TAF5L: variants seen among roughly 807,000 people sequenced by gnomAD.
TAF5L encodes the protein TAF5-like RNA polymerase II p300/CBP-associated factor-associated factor 65 kDa subunit 5L.
In TAF5L, 7 loss-of-function variants were observed where a neutral mutation model predicts 51.3. The observed-to-expected ratio is 0.14, with a 90% CI of 0.08 to 0.26. The LOEUF (loss-of-function observed/expected upper bound fraction) is 0.26. Among genes scored for constraint, TAF5L ranks in the 10% least tolerant of loss-of-function variants. TAF5L has a pLI of 1.00. For missense variants in TAF5L, 575 were observed against 758.9 expected (o/e 0.76, Z 2.85); for synonymous variants, 291 against 308.1 (o/e 0.94, Z 0.58).
Position 229,594,021 on chromosome 1 carries a change from G to A in TAF5L, c.*276C>T, listed in dbSNP as rs746350866. 1.7e-5 allele frequency: 6 copies of A among 355,200 alleles called. No homozygotes were observed. The highest frequency in any genetic ancestry group is 2.1e-5 in the Non-Finnish European group (4 of 190,246). 22.0% of individuals were successfully genotyped at this position (355,200 alleles called of 1,614,324 possible). On this transcript the variant is annotated 3_prime_UTR_variant, in exon 5 of 5. Transcript: ENST00000258281. This position sits in a 1 kb window ranked among gnomAD's most constrained non-coding sequence, Gnocchi z 7.9. ...GAGAGACAGGAAGGTGCTCGCATGC[G>A]CGAGGTCACGGCAGAGTCTCCATGA...
At chr1:229,617,749 G>A (rs1274113722) in intron 1 of TAF5L, among the ~76,000 whole-genome samples, 1 of 152,202 alleles carries the variant, frequency 6.6e-6, no homozygotes. Context: ...GAGTAAGAAT[G>A]AATGATAGTC....
chr1:229,602,992 A>C lies in TAF5L; in HGVS notation c.248-73T>G, dbSNP rs565980736. On this transcript the variant is annotated intron_variant, in intron 3 of 4. Coordinates refer to ENST00000258281, the Ensembl canonical transcript of TAF5L. The surrounding 1 kb of genome is among the most constrained non-coding windows in gnomAD (Gnocchi z 4.6). ...AATAACGTGATCCCTCCTGGGGATC[A>C]CCACCATCATATAATGCTTTCTTGC... 6 of 1,484,236 alleles carry C rather than the reference A, an allele frequency of 4.0e-6. No homozygotes were observed. The highest frequency in any genetic ancestry group is 4.6e-5 in the East Asian group (2 of 43,046). The allele number at this position is 1,484,236 out of a possible 1,614,324, so 91.9% of individuals were successfully genotyped here.
intron 4 of TAF5L, among the ~76,000 whole-genome samples, chr1:229,597,277 T>C (rs1206475592): frequency 1.3e-5 from 2 of 152,190 alleles, no homozygotes; most frequent in East Asian, 3.9e-4. Flanking sequence ...CAAGAAGCTA[T>C]GGAAGTGGCC....
In TAF5L at chr1:229,625,733, C is replaced by G. The variant is rs1665430860; in HGVS notation, c.-4+152G>C. 1.4e-5 allele frequency among the ~76,000 whole-genome samples: 2 copies of G among 142,828 alleles called. No homozygotes were observed. Among genetic ancestry groups the G allele is most frequent in the South Asian group, 4.3e-4 (2 of 4,652 alleles). 93.7% of individuals were successfully genotyped at this position (142,828 alleles called of 152,430 possible). On this transcript the variant is annotated intron_variant, in intron 1 of 4. Transcript: ENST00000258281. The surrounding 1 kb of genome is among the most constrained non-coding windows in gnomAD (Gnocchi z 4.0). ...CCGCGCAGAGCCGCCCGCCGCCCCC[C>G]AGCCCCGCCTCCCGCGCCCCACCCC... is the stretch of plus-strand genomic sequence containing the variant.
chr1:229,604,993 A>G (rs907177395), intron 3 of TAF5L, among the ~76,000 whole-genome samples: 32 of 152,260 alleles, frequency 2.1e-4, no homozygotes, highest in African/African-American at 6.5e-4. Context: ...GCTGGAGTAC[A>G]GTGGCGCGAT....
At chr1:229,618,615 C>A (rs891692646) in intron 1 of TAF5L, among the ~76,000 whole-genome samples, 2 of 152,200 alleles carry the variant, frequency 1.3e-5, no homozygotes, top group African/African-American at 4.8e-5. Flanking sequence ...AAAACCACAG[C>A]CACACTTAAC....
At chr1:229,601,768 C>T (rs1664383702) in intron 4 of TAF5L, 1 of 1,012,934 alleles carries the variant, frequency 9.9e-7, no homozygotes, top group Non-Finnish European at 1.2e-6. Flanking sequence ...AATGGCACAA[C>T]CTTCTGTGGG....
intron 4 of TAF5L, chr1:229,599,287 A>T (rs1023830980): frequency 2.9e-5 from 15 of 519,260 alleles, no homozygotes; most frequent in South Asian, 1.7e-4. Flanking sequence ...TTTTTTTTTT[A>T]AACTGAGATA....
chr1:229,616,722 C>T (rs576499984), intron 1 of TAF5L, among the ~76,000 whole-genome samples: 1 of 152,212 alleles, frequency 6.6e-6, no homozygotes, highest in Admixed American at 6.5e-5. Flanking sequence ...TTTCAATTCC[C>T]TACAAGTCAT....
intron 1 of TAF5L, among the ~76,000 whole-genome samples, chr1:229,622,774 G>C (rs1046457824): frequency 6.6e-6 from 1 of 151,572 alleles, no homozygotes; most frequent in Non-Finnish European, 1.5e-5. Context: ...CACCTGGTTA[G>C]TTAAAAAAAA....
At chr1:229,607,072 C>T in intron 3 of TAF5L, 1 of 985,090 alleles carries the variant, frequency 1.0e-6, no homozygotes, top group Non-Finnish European at 1.2e-6. Flanking sequence ...GCAAGCTATG[C>T]AGTAGGATGC....
intron 2 of TAF5L, among the ~76,000 whole-genome samples, chr1:229,611,595 T>C (rs1664791828): frequency 6.6e-6 from 1 of 152,140 alleles, no homozygotes; most frequent in Non-Finnish European, 1.5e-5. Context: ...TCCTCCTTCT[T>C]CTTGCCCCCC....
intron 1 of TAF5L, among the ~76,000 whole-genome samples, chr1:229,616,602 T>C (rs1665013485): frequency 6.6e-6 from 1 of 152,178 alleles, no homozygotes; most frequent in South Asian, 2.1e-4. Flanking sequence ...AAACAAATGT[T>C]TTGCCCAGTG....
At chr1:229,606,751 C>T (rs1664609515) in intron 3 of TAF5L, 1 of 985,356 alleles carries the variant, frequency 1.0e-6, no homozygotes, top group Non-Finnish European at 1.2e-6. Flanking sequence ...TTAAGAGTCA[C>T]AGCTGGCCCT....
intron 1 of TAF5L, among the ~76,000 whole-genome samples, chr1:229,616,353 G>A (rs1665002495): frequency 7.8e-6 from 1 of 127,964 alleles, no homozygotes; most frequent in South Asian, 2.8e-4. Context: ...ACCTTTTCCG[G>A]AAGTCTATTT....
At chr1:229,622,682 C>T (rs1313613148) in intron 1 of TAF5L, among the ~76,000 whole-genome samples, 2 of 152,232 alleles carry the variant, frequency 1.3e-5, no homozygotes, top group African/African-American at 4.8e-5. Flanking sequence ...ACAATCACAG[C>T]TCACTGCAGC....
chr1:229,624,535 T>G (rs1665352113), intron 1 of TAF5L, among the ~76,000 whole-genome samples: 1 of 152,068 alleles, frequency 6.6e-6, no homozygotes, highest in Non-Finnish European at 1.5e-5. Context: ...GGTCGTTTTT[T>G]GGGAGGCTGA....
Position 229,625,378 on chromosome 1 carries a change from C to T in TAF5L, c.-4+507G>A, listed in dbSNP as rs1272617333. 6.6e-6 allele frequency among the ~76,000 whole-genome samples: 1 copy of T among 152,134 alleles called. No homozygotes were observed. Among genetic ancestry groups the T allele is most frequent in the Non-Finnish European group, 1.5e-5 (1 of 68,020 alleles). On this transcript the variant is annotated intron_variant, in intron 1 of 4. Transcript: ENST00000258281. The surrounding 1 kb of genome is among the most constrained non-coding windows in gnomAD (Gnocchi z 4.0). ...TGCAGCAGCTAGTCTAACTCTGGCTCCCCCGTGTCACACGCGGAGATCGAC... is the reference window on the plus strand; with the variant it reads ...TGCAGCAGCTAGTCTAACTCTGGCTTCCCCGTGTCACACGCGGAGATCGAC...
intron 1 of TAF5L, among the ~76,000 whole-genome samples, chr1:229,622,804 G>A (rs763037782): frequency 9.2e-5 from 14 of 151,918 alleles, no homozygotes; most frequent in Admixed American, 3.9e-4. Context: ...TTGTAGAGAC[G>A]GAGTCTCACT....
Sources: allele counts gnomAD v4.1 joint callset (sites outside exome capture counted in the v4.1 genomes callset), GRCh38; gene constraint gnomAD v4.1.1; non-coding constraint Gnocchi (gnomAD v3.1); transcripts MANE v1.5; gene names NCBI Gene and HGNC (gene_info 2026-07-23, HGNC 2026-07-21).